Variants in AFG1L observed in about 807,000 individuals in gnomAD.
The protein encoded by AFG1L is AFG1 like ATPase, also known as AFG1-like ATPase.
In AFG1L, 53 loss-of-function variants were observed where a neutral mutation model predicts 62.2. The observed-to-expected ratio is 0.85, with a 90% CI of 0.68 to 1.07. The LOEUF is 1.07. AFG1L is among the 50% of genes least tolerant of loss of function. The pLI is 0.00. For synonymous variants in AFG1L, 228 were observed against 210.3 expected, an observed-to-expected ratio of 1.08 and a Z score of -0.73; for missense variants, 555 against 590.5, an observed-to-expected ratio of 0.94 and a Z score of 0.62.
At chr6:108,467,102 C>T (rs1443211799) in intron 8 of AFG1L, among the ~76,000 whole-genome samples, 5 of 152,106 alleles carry the variant, frequency 3.3e-5, no homozygotes, top group Non-Finnish European at 4.4e-5. Context: ...TGACCAATGT[C>T]AGTGCAAAAT....
chr6:108,524,683 G>T lies in AFG1L; in HGVS notation c.*2258G>T, dbSNP rs1186459891. 6.6e-6 allele frequency: 1 copy of T among 152,264 alleles called. No homozygotes were observed. Among genetic ancestry groups the T allele is most frequent in the Non-Finnish European group, 1.5e-5 (1 of 68,084 alleles). The allele number at this position is 152,264 out of a possible 1,614,324, so 9.4% of individuals were successfully genotyped here. ...CAGTTCCAGGGGCCTGCTGGGATTG[G>T]CTGCAGTGGAAGAGGCTCTTTGAGC... On this transcript the variant is annotated 3_prime_UTR_variant, in exon 13 of 13. Coordinates refer to ENST00000368977, the MANE Select transcript of AFG1L (RefSeq NM_145315.5).
At chr6:108,330,911 C>T (rs74595775) in intron 2 of AFG1L, among the ~76,000 whole-genome samples, 7,202 of 152,064 alleles carry the variant, frequency 0.047, 229 homozygotes, top group South Asian at 0.1. Context: ...CTGTTATAAG[C>T]GACAGAAAAT....
chr6:108,435,254 C>T (rs12202862), intron 7 of AFG1L, among the ~76,000 whole-genome samples: 6,833 of 152,256 alleles, frequency 0.045, 221 homozygotes, highest in Non-Finnish European at 0.069. Flanking sequence ...AGGTGGGATA[C>T]AGCTGGTCTG....
chr6:108,429,743 G>T (rs1770988798), intron 7 of AFG1L, among the ~76,000 whole-genome samples: 1 of 152,008 alleles, frequency 6.6e-6, no homozygotes, highest in Non-Finnish European at 1.5e-5. Context: ...GTCTAGGATT[G>T]CTTTGGCTAT....
intron 1 of AFG1L, among the ~76,000 whole-genome samples, chr6:108,323,478 C>T (rs879635865): frequency 1.9e-4 from 29 of 152,132 alleles, no homozygotes; most frequent in Non-Finnish European, 3.5e-4. Context: ...ATTCGTGCCT[C>T]AGCCCCCCAG....
intron 7 of AFG1L, among the ~76,000 whole-genome samples, chr6:108,405,321 T>A (rs1035492300): frequency 6.6e-6 from 1 of 152,188 alleles, no homozygotes; most frequent in Non-Finnish European, 1.5e-5. Flanking sequence ...TTTTTTATTG[T>A]GGCAAAATAT....
At chr6:108,389,938 G>T (rs1356641472) in intron 6 of AFG1L, among the ~76,000 whole-genome samples, 1 of 152,154 alleles carries the variant, frequency 6.6e-6, no homozygotes, top group African/African-American at 2.4e-5. Context: ...TCGCTAGGTT[G>T]GGGAAGTTCT....
At chr6:108,497,066 G>A (rs544711018) in intron 10 of AFG1L, among the ~76,000 whole-genome samples, 1 of 152,176 alleles carries the variant, frequency 6.6e-6, no homozygotes, top group South Asian at 2.1e-4. Flanking sequence ...ATAACCTTCG[G>A]TTGAATTTCT....
At chr6:108,390,775 G>T (rs1414529846) in intron 6 of AFG1L, among the ~76,000 whole-genome samples, 5 of 152,194 alleles carry the variant, frequency 3.3e-5, no homozygotes, top group Non-Finnish European at 5.9e-5. Flanking sequence ...GTCTGACCCT[G>T]CTGGGGGGTG....
At chr6:108,380,333 C>A (rs1253972479) in intron 6 of AFG1L, among the ~76,000 whole-genome samples, 1 of 152,152 alleles carries the variant, frequency 6.6e-6, no homozygotes, top group African/African-American at 2.4e-5. Flanking sequence ...ATTCCAAATG[C>A]CTGGATTTCT....
chr6:108,399,326 A>G (rs1184036121), intron 6 of AFG1L, among the ~76,000 whole-genome samples: 1 of 151,192 alleles, frequency 6.6e-6, no homozygotes, highest in Non-Finnish European at 1.5e-5. Flanking sequence ...TAGCTGGGAC[A>G]ACAGGTGCGT....
intron 10 of AFG1L, among the ~76,000 whole-genome samples, chr6:108,486,861 C>T (rs144653840): frequency 4.6e-5 from 7 of 152,016 alleles, no homozygotes; most frequent in South Asian, 2.1e-4. Context: ...CACCTCACCA[C>T]GCCCAGCTAA....
intron 8 of AFG1L, among the ~76,000 whole-genome samples, chr6:108,462,059 C>T (rs1249830837): frequency 6.6e-6 from 1 of 151,862 alleles, no homozygotes; most frequent in Non-Finnish European, 1.5e-5. Context: ...TGTACCACTG[C>T]ACTCTAGCCT....
chr6:108,371,504 C>A (rs947495027), intron 6 of AFG1L, among the ~76,000 whole-genome samples: 3 of 152,042 alleles, frequency 2.0e-5, no homozygotes, highest in African/African-American at 7.2e-5. Context: ...TCTGCCTTAG[C>A]CTTGTGAGTA....
At chr6:108,507,162 G>A (rs1045608843) in intron 10 of AFG1L, among the ~76,000 whole-genome samples, 1 of 152,080 alleles carries the variant, frequency 6.6e-6, no homozygotes, top group Non-Finnish European at 1.5e-5. Context: ...CTCCTTGTTT[G>A]AATGACTTTT....
At chr6:108,508,370 T>C (rs1411399712) in intron 10 of AFG1L, among the ~76,000 whole-genome samples, 1 of 152,018 alleles carries the variant, frequency 6.6e-6, no homozygotes, top group African/African-American at 2.4e-5. Flanking sequence ...CTGAGGTGAG[T>C]GGCTTGTCTC....
intron 6 of AFG1L, among the ~76,000 whole-genome samples, chr6:108,400,590 A>G (rs1244890243): frequency 1.5e-5 from 2 of 136,146 alleles, no homozygotes; most frequent in African/African-American, 5.4e-5. Context: ...ATTATAATAT[A>G]TAATTTATAT....
rs12213170 is a variant in AFG1L at position 108,502,199 on chromosome 6, T to C, written c.1063-8013T>C. The stretch of plus-strand genomic sequence containing the variant: ...AGCCACCATGCCTGGTTTTGCTTTT[T>C]GTTTGTTTGTTTGTTTGTTTTTTGA... On this transcript the variant is annotated intron_variant, in intron 10 of 12. Transcript: ENST00000368977. Among the ~76,000 whole-genome samples the C allele has an allele frequency of 7.9e-3, 1,198 of 151,442 alleles. 13 individuals are homozygous for C. The highest frequency in any genetic ancestry group is 0.013 in the Non-Finnish European group (914 of 67,862).
chr6:108,478,173 C>G (rs1291222036), intron 10 of AFG1L, among the ~76,000 whole-genome samples: 1 of 152,170 alleles, frequency 6.6e-6, no homozygotes, highest in Non-Finnish European at 1.5e-5. Flanking sequence ...TGCGGTGGCT[C>G]GCGCCTGTAA....
Sources: allele counts gnomAD v4.1 joint callset (sites outside exome capture counted in the v4.1 genomes callset), GRCh38; gene constraint gnomAD v4.1.1; transcripts MANE v1.5; gene names NCBI Gene and HGNC (gene_info 2026-07-23, HGNC 2026-07-21).